Variants in PDPR observed in about 807,000 individuals in gnomAD.
PDPR encodes the protein pyruvate dehydrogenase phosphatase regulatory subunit, also known as pyruvate dehydrogenase phosphatase regulatory subunit, mitochondrial.
A neutral mutation model predicts 102.2 loss-of-function variants in PDPR; 50 were observed. That is an observed-to-expected ratio of 0.49 (90% CI 0.39 to 0.62). PDPR has a LOEUF of 0.62. Ranked by LOEUF, PDPR falls within the 20% of genes least tolerant of loss-of-function variation. The pLI, the probability that PDPR is intolerant of heterozygous loss-of-function variation, is 0.00. For synonymous variants in PDPR, 259 were observed against 406.0 expected (o/e 0.64, Z 4.35); for missense variants, 625 against 1,098.2 (o/e 0.57, Z 6.09).
intron 18 of PDPR, among the ~76,000 whole-genome samples, chr16:70,156,129 A>G (rs1967152982): frequency 1.3e-5 from 2 of 152,286 alleles, no homozygotes; most frequent in Non-Finnish European, 1.5e-5. Context: ...ACTGGCCAAT[A>G]TAAAAACATT....
chr16:70,153,254 A>G, intron 17 of PDPR, 137 bp from the exon 18 acceptor site: 1 of 1,005,832 alleles, frequency 9.9e-7, no homozygotes, highest in Non-Finnish European at 1.4e-6. Flanking sequence ...GAGCGTGTCA[A>G]GGATGAGACA....
At chr16:70,162,621 G>A (rs931850973), downstream of PDPR, 3 of 152,752 alleles carry the variant, frequency 2.0e-5, no homozygotes. Context: ...AGAGGAGAGT[G>A]TGTACCTCCC....
At chr16:70,140,537 C>T (rs1181518415) in intron 11 of PDPR, among the ~76,000 whole-genome samples, 8 of 151,626 alleles carry the variant, frequency 5.3e-5, no homozygotes, top group South Asian at 2.1e-4. Flanking sequence ...ATGGGGAAGG[C>T]GCCAGGCGCA....
intron 2 of PDPR, among the ~76,000 whole-genome samples, chr16:70,118,694 G>A (rs1017438797): frequency 7.9e-5 from 12 of 152,136 alleles, no homozygotes; most frequent in Non-Finnish European, 1.6e-4. Context: ...GAGAGCTTGG[G>A]CCACGGGAAA....
chr16:70,124,290 G>C (rs1265637509), intron 3 of PDPR, among the ~76,000 whole-genome samples: 2 of 152,258 alleles, frequency 1.3e-5, no homozygotes, highest in African/African-American at 4.8e-5. Context: ...TTGAACCTGG[G>C]AGGCAGAGAT....
rs2152122995 is a variant in PDPR at position 70,156,523 on chromosome 16, G to A, written c.2284G>A (p.Gly762Arg). The change falls in exon 19 of 19, where the codon GGA becomes AGA. Residue 762 changes from glycine (G) to arginine (R), a missense_variant. Transcript: ENST00000288050. ...CGCCCTCCTGCAGCAGAAGCAGAAT[G>A]GAGTGTATAAACGCCTCACCATGTT... is the stretch of plus-strand genomic sequence containing the variant. Reference protein sequence around the residue: ...RDALLQQKQNGVYKRLTMFIL... With the variant: ...RDALLQQKQNRVYKRLTMFIL... 1 of 1,614,062 alleles carries A rather than the reference G, an allele frequency of 6.2e-7. No homozygotes were observed. Among genetic ancestry groups the A allele is most frequent in the Non-Finnish European group, 8.5e-7 (1 of 1,179,896 alleles).
At position 70,119,980 on chromosome 16, in the gene PDPR, G is replaced by A. The variant is rs536436158; in HGVS notation, c.-32-481G>A. 1.1e-4 allele frequency among the ~76,000 whole-genome samples: 16 copies of A among 151,224 alleles called. No individual in the cohort carries two copies. In the East Asian group the frequency reaches 2.3e-3, roughly 22 times the overall value. On this transcript the variant is annotated intron_variant, in intron 2 of 18. Coordinates refer to ENST00000288050, the MANE Select transcript of PDPR (RefSeq NM_017990.5). ...CGCCCAGGCTGGAGTGCGGTGGCGC[G>A]ATCTCTGCTCGCTGCAGCCTCCGCC...
Position 70,130,542 on chromosome 16 carries a change from C to A in PDPR, c.727C>A (p.Gln243Lys). 2 of 1,613,996 alleles carry A rather than the reference C, an allele frequency of 1.2e-6. No homozygotes were observed. Among genetic ancestry groups the A allele is most frequent in the Non-Finnish European group, 1.7e-6 (2 of 1,179,884 alleles). ...ECQYFVNCAG[Q>K]WAYELGLSNE... ...CCAGTATTTTGTCAACTGTGCTGGC[C>A]AGGTAGGTCAGCACCAACACTGCTG... is the stretch of plus-strand genomic sequence containing the variant. The change falls in exon 7 of 19, where the codon CAG becomes AAG. Residue 243 changes from glutamine (Q) to lysine (K), a missense_variant and splice_region_variant. By Grantham distance (53) the Gln-to-Lys change is moderately conservative. This residue lies in a region of PDPR where 35 missense variants were observed against 63.5 expected (regional missense o/e 0.55). Transcript: ENST00000288050.
intron 3 of PDPR, among the ~76,000 whole-genome samples, chr16:70,127,028 G>C (rs1964046439): frequency 6.6e-6 from 1 of 152,238 alleles, no homozygotes; most frequent in Admixed American, 6.5e-5. Context: ...TGTTGTTGTT[G>C]GTAGAGATGG....
chr16:70,141,726 G>C (rs1407775067), intron 11 of PDPR, among the ~76,000 whole-genome samples: 1 of 152,282 alleles, frequency 6.6e-6, no homozygotes, highest in Non-Finnish European at 1.5e-5. Context: ...AGGGAGGGAC[G>C]ATAGCAGCTT....
intron 3 of PDPR, among the ~76,000 whole-genome samples, chr16:70,126,760 C>A (rs1453558749): frequency 2.0e-5 from 3 of 152,228 alleles, no homozygotes; most frequent in African/African-American, 4.8e-5. Flanking sequence ...TCCTGGCCTC[C>A]AGTGAACCTG....
chr16:70,151,713 ATTC>A (rs1449933607), intron 17 of PDPR, among the ~76,000 whole-genome samples: 1 of 152,248 alleles, frequency 6.6e-6, no homozygotes, highest in African/African-American at 2.4e-5. Context: ...GGCTGTTCCC[ATTC>A]TTATGATTTT....
chr16:70,127,013 TTTG>T (rs1321861829), intron 3 of PDPR, among the ~76,000 whole-genome samples: 3 of 152,238 alleles, frequency 2.0e-5, no homozygotes, highest in South Asian at 2.1e-4. Flanking sequence ...CCTGGCTAAT[TTTG>T]TTGTTGTTGT....
Position 70,157,090 on chromosome 16 carries a change from C to G in PDPR, c.*211C>G, listed in dbSNP as rs571533466. The G allele has an allele frequency of 1.1e-5, 8 of 752,436 alleles. No individual in the cohort carries two copies. The highest frequency in any genetic ancestry group is 1.5e-5 in the South Asian group (1 of 67,444). The allele number at this position is 752,436 out of a possible 1,614,324, so 46.6% of individuals were successfully genotyped here. A position where few individuals can be genotyped will look rare whatever the true frequency, so the allele number is the denominator to read the frequency against. The stretch of plus-strand genomic sequence containing the variant: ...CCACCTCCTCCTCCTAATATTCACT[C>G]TGGGCTCTTCTTCCCTTCCCACCCC... On this transcript the variant is annotated 3_prime_UTR_variant, in exon 19 of 19. Coordinates refer to ENST00000288050, the MANE Select transcript of PDPR (RefSeq NM_017990.5).
chr16:70,133,059 C>T (rs1489778783), intron 9 of PDPR, among the ~76,000 whole-genome samples: 2 of 151,560 alleles, frequency 1.3e-5, no homozygotes, highest in South Asian at 2.1e-4. Context: ...TCAATCCTGC[C>T]TCAGCTTCCC....
At chr16:70,140,764 A>G (rs1215688088) in intron 11 of PDPR, among the ~76,000 whole-genome samples, 1 of 152,238 alleles carries the variant, frequency 6.6e-6, no homozygotes, top group Non-Finnish European at 1.5e-5. Context: ...GCAGTGAGCC[A>G]AGATCTCACC....
At chr16:70,122,166 T>C (rs1356984185) in intron 3 of PDPR, among the ~76,000 whole-genome samples, 36 of 152,220 alleles carry the variant, frequency 2.4e-4, no homozygotes, top group African/African-American at 7.2e-5. Flanking sequence ...TCTGTTTTTT[T>C]AGTAGAGACA....
At chr16:70,130,857 T>C (rs529728963) in intron 7 of PDPR, among the ~76,000 whole-genome samples, 1 of 152,402 alleles carries the variant, frequency 6.6e-6, no homozygotes, top group African/African-American at 2.4e-5. Context: ...AAATAACATA[T>C]TAGGCTATTT....
At chr16:70,122,843 G>A (rs1370512316) in intron 3 of PDPR, among the ~76,000 whole-genome samples, 2 of 69,356 alleles carry the variant, frequency 2.9e-5, no homozygotes, top group Non-Finnish European at 6.8e-5. Context: ...TTATATATCT[G>A]TATACACACA....
Sources: allele counts gnomAD v4.1 joint callset (sites outside exome capture counted in the v4.1 genomes callset), GRCh38; gene constraint gnomAD v4.1.1; regional missense constraint gnomAD v4.1.1; transcripts MANE v1.5; gene names NCBI Gene and HGNC (gene_info 2026-07-23, HGNC 2026-07-21).